Variants in HS3ST2 observed in about 807,000 individuals in gnomAD.
HS3ST2 encodes heparan sulfate-glucosamine 3-sulfotransferase 2.
HS3ST2 carries 17 observed loss-of-function variants against 26.3 expected under a neutral mutation model. The observed-to-expected ratio is 0.65, with a 90% CI of 0.44 to 0.97. HS3ST2 has a LOEUF of 0.97. Among genes scored for constraint, HS3ST2 ranks in the 50% least tolerant of loss-of-function variants. The pLI is 0.00. For missense variants in HS3ST2, 402 were observed against 501.2 expected, an observed-to-expected ratio of 0.80 and a Z score of 1.89; for synonymous variants, 237 against 219.2, an observed-to-expected ratio of 1.08 and a Z score of -0.72.
At chr16:22,877,242 G>A (rs548425467) in intron 1 of HS3ST2, among the ~76,000 whole-genome samples, 1 of 152,328 alleles carries the variant, frequency 6.6e-6, no homozygotes, top group Non-Finnish European at 1.5e-5. Context: ...CACCTGAATG[G>A]CTGGGTGACT....
At chr16:22,911,469 G>A (rs1443498817) in intron 1 of HS3ST2, among the ~76,000 whole-genome samples, 3 of 152,218 alleles carry the variant, frequency 2.0e-5, no homozygotes, top group African/African-American at 7.2e-5. Flanking sequence ...TGCAAACTAG[G>A]TGGCTTAAAA....
chr16:22,828,634 G>C (rs1297870355), intron 1 of HS3ST2, among the ~76,000 whole-genome samples: 1 of 152,216 alleles, frequency 6.6e-6, no homozygotes, highest in Admixed American at 6.5e-5. Context: ...GCTCAGGCGA[G>C]ATGGCTTAAA....
At chr16:22,848,339 A>G (rs1012412878) in intron 1 of HS3ST2, among the ~76,000 whole-genome samples, 1 of 152,216 alleles carries the variant, frequency 6.6e-6, no homozygotes, top group Non-Finnish European at 1.5e-5. Context: ...TTGCCAATAC[A>G]GTTCCTACAA....
intron 1 of HS3ST2, among the ~76,000 whole-genome samples, chr16:22,834,678 A>T (rs1052067189): frequency 1.3e-5 from 2 of 152,016 alleles, no homozygotes; most frequent in Non-Finnish European, 2.9e-5. Context: ...ACCATGCTTT[A>T]AAAAGTATCC....
intron 1 of HS3ST2, among the ~76,000 whole-genome samples, chr16:22,877,119 G>C (rs1005157330): frequency 6.6e-6 from 1 of 152,128 alleles, no homozygotes; most frequent in African/African-American, 2.4e-5. Flanking sequence ...TTCCCCAAAA[G>C]CTTATTGAAA....
intron 1 of HS3ST2, among the ~76,000 whole-genome samples, chr16:22,843,133 G>GA (rs1314981751): frequency 4.6e-5 from 7 of 151,750 alleles, no homozygotes; most frequent in Non-Finnish European, 8.8e-5. Flanking sequence ...CACAGAATAA[G>GA]AACTCTGTGA....
intron 1 of HS3ST2, among the ~76,000 whole-genome samples, chr16:22,881,433 C>T (rs1166776370): frequency 1.3e-5 from 2 of 152,194 alleles, no homozygotes; most frequent in Non-Finnish European, 2.9e-5. Flanking sequence ...TGCTCGGTCT[C>T]TACCCCTTCT....
rs909935059 is a variant in HS3ST2 at position 22,821,556 on chromosome 16, G to A, written c.485+6461G>A. On this transcript the variant is annotated intron_variant, in intron 1 of 1. Coordinates refer to ENST00000261374, the MANE Select transcript of HS3ST2 (RefSeq NM_006043.2). ...AGGTGATAGGGAAGTGGGGCTTTGCGGGGTAGTGACTCAGAACTGATAAGT... is the reference window on the plus strand; with the variant it reads ...AGGTGATAGGGAAGTGGGGCTTTGCAGGGTAGTGACTCAGAACTGATAAGT... 7.9e-5 allele frequency among the ~76,000 whole-genome samples: 12 copies of A among 151,980 alleles called. No individual in the cohort carries two copies. In the East Asian group the frequency reaches 1.6e-3, roughly 20 times the overall value.
chr16:22,891,133 C>T (rs1384038756), intron 1 of HS3ST2, among the ~76,000 whole-genome samples: 1 of 152,144 alleles, frequency 6.6e-6, no homozygotes, highest in African/African-American at 2.4e-5. Context: ...GTGTACTTGC[C>T]TATCTTGATT....
intron 1 of HS3ST2, among the ~76,000 whole-genome samples, chr16:22,846,524 A>G (rs140427993): frequency 2.0e-5 from 3 of 152,270 alleles, no homozygotes; most frequent in Admixed American, 6.5e-5. Context: ...GAGATGTTTA[A>G]AACTCTGGAT....
intron 1 of HS3ST2, among the ~76,000 whole-genome samples, chr16:22,880,648 C>A (rs531608546): frequency 5.9e-5 from 9 of 152,302 alleles, no homozygotes; most frequent in South Asian, 2.1e-4. Context: ...TGCCCTCCCC[C>A]CATGGAGATG....
In HS3ST2 at chr16:22,814,277, G is replaced by A; in HGVS notation, c.-334G>A. 4.2e-6 allele frequency: 1 copy of A among 240,000 alleles called. No individual in the cohort carries two copies. Among genetic ancestry groups the A allele is most frequent in the Non-Finnish European group, 8.0e-6 (1 of 125,650 alleles). The allele number at this position is 240,000 out of a possible 1,614,324, so 14.9% of individuals were successfully genotyped here. On this transcript the variant is annotated 5_prime_UTR_variant, in exon 1 of 2. Coordinates refer to ENST00000261374, the MANE Select transcript of HS3ST2 (RefSeq NM_006043.2). The stretch of plus-strand genomic sequence containing the variant: ...TTCGTGAGCGGCGCTCCGAGGATCA[G>A]GAATGGGGCTTCGGGCGCTGGGCGC...
intron 1 of HS3ST2, among the ~76,000 whole-genome samples, chr16:22,842,995 G>C (rs2141182711): frequency 6.6e-6 from 1 of 152,226 alleles, no homozygotes; most frequent in Non-Finnish European, 1.5e-5. Context: ...TTATTTTATA[G>C]TTTCTTTTAA....
intron 1 of HS3ST2, among the ~76,000 whole-genome samples, chr16:22,913,961 A>C (rs28713465): frequency 0.11 from 16,463 of 152,054 alleles, 1,718 homozygotes; most frequent in East Asian, 0.34. Context: ...ACACAGTGAG[A>C]CCCCATCTCT....
chr16:22,815,465 G>T lies in HS3ST2; in HGVS notation c.485+370G>T, dbSNP rs529370204. On this transcript the variant is annotated intron_variant, in intron 1 of 1. Coordinates refer to ENST00000261374, the MANE Select transcript of HS3ST2 (RefSeq NM_006043.2). ...ACGGCACCATCCTAACCCTCTGTAG[G>T]TCTTTGCTGGTACCCAGCCCCTGAA... Among the ~76,000 whole-genome samples, 5 of 152,318 alleles carry T rather than the reference G, an allele frequency of 3.3e-5. No homozygotes were observed. In the South Asian group the frequency reaches 1.0e-3, roughly 32 times the overall value.
At chr16:22,883,031 GAAA>G (rs201212985) in intron 1 of HS3ST2, among the ~76,000 whole-genome samples, 2 of 99,784 alleles carry the variant, frequency 2.0e-5, no homozygotes, top group Non-Finnish European at 2.1e-5. Flanking sequence ...CTCCATCTCA[GAAA>G]AAAAAAAAAA....
chr16:22,852,640 C>T (rs1384188059), intron 1 of HS3ST2, among the ~76,000 whole-genome samples: 3 of 152,252 alleles, frequency 2.0e-5, no homozygotes, highest in Non-Finnish European at 4.4e-5. Context: ...AAGGCCTGCC[C>T]CTTCCCCTCT....
chr16:22,883,647 A>C (rs1902022711), intron 1 of HS3ST2, among the ~76,000 whole-genome samples: 1 of 152,210 alleles, frequency 6.6e-6, no homozygotes, highest in East Asian at 1.9e-4. Context: ...GCTAAACTGT[A>C]CACTTCCCTT....
chr16:22,881,483 T>C (rs1436956939), intron 1 of HS3ST2, among the ~76,000 whole-genome samples: 1 of 152,150 alleles, frequency 6.6e-6, no homozygotes, highest in Non-Finnish European at 1.5e-5. Flanking sequence ...GAGGGCTCCA[T>C]GCTCTAAAGA....
Sources: gnomAD v4.1 joint callset for allele counts (sites outside exome capture counted in the v4.1 genomes callset) on GRCh38, gnomAD v4.1.1 for gene constraint, MANE v1.5 for transcripts, NCBI Gene and HGNC (gene_info 2026-07-23, HGNC 2026-07-21) for gene names.